NDUFAF6: variants seen among roughly 807,000 people sequenced by gnomAD.
NDUFAF6 encodes NADH:ubiquinone oxidoreductase complex assembly factor 6.
A neutral mutation model predicts 40.8 loss-of-function variants in NDUFAF6; 45 were observed. That is an observed-to-expected ratio of 1.10 (90% CI 0.87 to 1.42). The LOEUF (loss-of-function observed/expected upper bound fraction) is 1.42, where lower values mean the gene tolerates loss of function less well. Among genes scored for constraint, NDUFAF6 ranks in the 40% most tolerant of loss-of-function variants. The probability of loss-of-function intolerance (pLI) is 0.00; values close to 1 mark genes in which losing one functional copy is unlikely to be tolerated. For synonymous variants in NDUFAF6, 185 were observed against 155.9 expected (o/e 1.19, Z -1.39); for missense variants, 435 against 418.5 (o/e 1.04, Z -0.34).
At chr8:94,997,171 G>A (rs1826468699) in intron 2 of NDUFAF6, among the ~76,000 whole-genome samples, 1 of 152,154 alleles carries the variant, frequency 6.6e-6, no homozygotes, top group Non-Finnish European at 1.5e-5. Flanking sequence ...GACAGATGTG[G>A]TAGAATGGGG....
At chr8:94,973,374 C>G (rs1180413735) in intron 1 of NDUFAF6, among the ~76,000 whole-genome samples, 1 of 152,116 alleles carries the variant, frequency 6.6e-6, no homozygotes, top group Non-Finnish European at 1.5e-5. Context: ...GCCTTCTCCC[C>G]CATGAGGACA....
At chr8:94,957,830 G>T (rs756535607), upstream of NDUFAF6, among the ~76,000 whole-genome samples, 9 of 152,140 alleles carry the variant, frequency 5.9e-5, no homozygotes, top group Non-Finnish European at 1.2e-4. Flanking sequence ...TTTGTTTGGG[G>T]TTAAATGAAG....
chr8:94,918,719 T>C (rs1819300020), intron 1 of NDUFAF6, among the ~76,000 whole-genome samples: 1 of 152,138 alleles, frequency 6.6e-6, no homozygotes, highest in East Asian at 1.9e-4. Flanking sequence ...TCCTCCTCCT[T>C]TTGCCCTCTT....
At chr8:94,915,752 C>G (rs2131246025) in intron 1 of NDUFAF6, among the ~76,000 whole-genome samples, 1 of 152,296 alleles carries the variant, frequency 6.6e-6, no homozygotes, top group South Asian at 2.1e-4. Context: ...GCTTACAATT[C>G]AGAATGAGAC....
chr8:95,009,866 A>T (rs1435797529), intron 2 of NDUFAF6, among the ~76,000 whole-genome samples: 1 of 152,226 alleles, frequency 6.6e-6, no homozygotes, highest in Admixed American at 6.5e-5. Context: ...CCTAAATATT[A>T]TATTTAAAAG....
intron 9 of NDUFAF6, among the ~76,000 whole-genome samples, chr8:95,071,214 A>AC (rs1193537706): frequency 7.6e-6 from 1 of 132,140 alleles, no homozygotes; most frequent in Non-Finnish European, 1.6e-5. Flanking sequence ...CACGGTGAAA[A>AC]CCCGTCTCTA....
chr8:95,044,015 A>C (rs1185379421), intron 4 of NDUFAF6, among the ~76,000 whole-genome samples: 1 of 152,260 alleles, frequency 6.6e-6, no homozygotes, highest in Non-Finnish European at 1.5e-5. Context: ...TTGTTAAACA[A>C]AATGTTGTAT....
intron 1 of NDUFAF6, among the ~76,000 whole-genome samples, chr8:94,932,542 G>A (rs1052384438): frequency 1.3e-5 from 2 of 152,284 alleles, no homozygotes; most frequent in Non-Finnish European, 2.9e-5. Flanking sequence ...GGTGGCTCAC[G>A]CCTGTAATCC....
At chr8:95,079,753 C>T (rs191193821), downstream of NDUFAF6, among the ~76,000 whole-genome samples, 735 of 147,924 alleles carry the variant, frequency 5.0e-3, 8 homozygotes, top group African/African-American at 0.017. Flanking sequence ...CTTGCTTTGT[C>T]GCCTAGGCTG....
At chr8:95,021,908 C>G (rs1827706466), upstream of NDUFAF6, among the ~76,000 whole-genome samples, 1 of 152,148 alleles carries the variant, frequency 6.6e-6, no homozygotes, top group African/African-American at 2.4e-5. Flanking sequence ...AAGTAGGGGG[C>G]AGCCTTGTGA....
chr8:95,067,469 C>G (rs1451821501), intron 9 of NDUFAF6: 2 of 151,766 alleles, frequency 1.3e-5, no homozygotes, highest in East Asian at 3.9e-4. Context: ...TTTTCCTGCC[C>G]GGGGCACTGT....
At chr8:94,966,702 A>G (rs1313279595) in intron 1 of NDUFAF6, among the ~76,000 whole-genome samples, 3 of 152,236 alleles carry the variant, frequency 2.0e-5, no homozygotes, top group African/African-American at 7.2e-5. Context: ...TGGCTTCATT[A>G]GACACTCAGG....
chr8:95,066,602 C>T (rs573518125), intron 9 of NDUFAF6, among the ~76,000 whole-genome samples: 2 of 152,224 alleles, frequency 1.3e-5, no homozygotes, highest in South Asian at 4.1e-4. Flanking sequence ...TCAATCCCTT[C>T]AGTTCTCTCT....
chr8:95,115,046 A>G (rs1810100397), intron 4 of NDUFAF6, among the ~76,000 whole-genome samples: 1 of 106,788 alleles, frequency 9.4e-6, no homozygotes. Flanking sequence ...TGGGGGATAG[A>G]GCGAGACTGT....
intron 2 of NDUFAF6, among the ~76,000 whole-genome samples, chr8:95,014,081 C>T (rs1167747315): frequency 5.3e-5 from 8 of 152,216 alleles, no homozygotes; most frequent in Non-Finnish European, 1.2e-4. Flanking sequence ...TCCTTGTAGC[C>T]TGCTGAACAA....
chr8:95,112,697 C>T (rs1015477570), intron 4 of NDUFAF6, among the ~76,000 whole-genome samples: 1 of 152,196 alleles, frequency 6.6e-6, no homozygotes, highest in Non-Finnish European at 1.5e-5. Flanking sequence ...GACACCTTGC[C>T]ATCCTGCTCC....
intron 2 of NDUFAF6, among the ~76,000 whole-genome samples, chr8:95,008,757 C>A (rs986320332): frequency 6.6e-6 from 1 of 152,172 alleles, no homozygotes; most frequent in Admixed American, 6.5e-5. Flanking sequence ...GATCTGCCCC[C>A]CTCAGCCTCC....
Position 95,058,368 on chromosome 8 carries a change from A to T in NDUFAF6, c.*431A>T, listed in dbSNP as rs909017152. On this transcript the variant is annotated 3_prime_UTR_variant, in exon 9 of 9. Coordinates refer to ENST00000396124, the MANE Select transcript of NDUFAF6 (RefSeq NM_152416.4). ...CCTAGGTGTTCAGAACACCTGGAAGATGCATTTATTTAGGGGTCACAAATA... is the reference window on the plus strand; with the variant it reads ...CCTAGGTGTTCAGAACACCTGGAAGTTGCATTTATTTAGGGGTCACAAATA... 5 of 1,235,074 alleles carry T rather than the reference A, an allele frequency of 4.0e-6. No homozygotes were observed. Among genetic ancestry groups the T allele is most frequent in the Admixed American group, 4.1e-5 (1 of 24,346 alleles). 76.5% of individuals were successfully genotyped at this position (1,235,074 alleles called of 1,614,324 possible). A position where few individuals can be genotyped will look rare whatever the true frequency, so the allele number is the denominator to read the frequency against.
In NDUFAF6 at chr8:95,000,632, C is replaced by CAA. The variant is rs567449511; in HGVS notation, c.-84+19675_-84+19676dup. Among the ~76,000 whole-genome samples the CAA allele has an allele frequency of 1.9e-3, 216 of 114,320 alleles. 1 individual carries two copies. Among genetic ancestry groups the CAA allele is most frequent in the Middle Eastern group, 0.01 (2 of 198 alleles). The allele number at this position is 114,320 out of a possible 152,430, so 75.0% of individuals were successfully genotyped here. A position where few individuals can be genotyped will look rare whatever the true frequency, so the allele number is the denominator to read the frequency against. The stretch of plus-strand genomic sequence containing the variant: ...ATATAAAAAAGTATAACATAGTAAG[C>CAA]AAAAAAAAAAAAAAAAATTCTGGCT... On this transcript the variant is annotated intron_variant, in intron 2 of 9. Coordinates refer to the NDUFAF6 transcript ENST00000396111.
Sources: gnomAD v4.1 joint callset for allele counts (sites outside exome capture counted in the v4.1 genomes callset) on GRCh38, gnomAD v4.1.1 for gene constraint, MANE v1.5 for transcripts, NCBI Gene and HGNC (gene_info 2026-07-23, HGNC 2026-07-21) for gene names.